The following KCNB2 variants were observed in gnomAD, a reference collection of about 807,000 sequenced individuals.
The protein encoded by KCNB2 is potassium voltage-gated channel subfamily B member 2, also known as delayed rectifier potassium channel protein.
Under a neutral mutation model 61.5 loss-of-function variants are expected in KCNB2, and 15 were observed. The observed-to-expected ratio is 0.24, with a 90% CI of 0.16 to 0.38. The LOEUF (loss-of-function observed/expected upper bound fraction) is 0.38. Among genes scored for constraint, KCNB2 ranks in the 10% least tolerant of loss-of-function variants. KCNB2 has a pLI of 1.00. For missense variants in KCNB2, 828 were observed against 1,125.2 expected, an observed-to-expected ratio of 0.74 and a Z score of 3.78; for synonymous variants, 457 against 446.0, an observed-to-expected ratio of 1.02 and a Z score of -0.31.
At chr8:72,566,280 G>A (rs1302034815) in intron 1 of KCNB2, among the ~76,000 whole-genome samples, 1 of 152,186 alleles carries the variant, frequency 6.6e-6, no homozygotes, top group Non-Finnish European at 1.5e-5. Context: ...ACATTTTGCA[G>A]AGTTTAAAGC....
At chr8:72,921,294 T>TA (rs1806516661) in intron 2 of KCNB2, among the ~76,000 whole-genome samples, 1 of 152,108 alleles carries the variant, frequency 6.6e-6, no homozygotes, top group African/African-American at 2.4e-5. Context: ...CTACTTTTTT[T>TA]AAAAAATGCT....
At chr8:72,714,160 T>A (rs1807378844) in intron 2 of KCNB2, among the ~76,000 whole-genome samples, 1 of 152,078 alleles carries the variant, frequency 6.6e-6, no homozygotes, top group Non-Finnish European at 1.5e-5. Context: ...TGGGACTATG[T>A]GAAAAGACCA....
At position 72,884,769 on chromosome 8, in the gene KCNB2, G is replaced by A. The variant is rs189769931; in HGVS notation, c.580-51166G>A. 9.8e-4 allele frequency among the ~76,000 whole-genome samples: 149 copies of A among 151,828 alleles called. 1 individual carries two copies. The South Asian group carries it at 0.027, about 28-fold the overall frequency. ...TTAGGCACTCTATTCTGTTTCATTC[G>A]TCCTTTTTAATCTATCCCACACCAA... On this transcript the variant is annotated intron_variant, in intron 2 of 2. Transcript: ENST00000523207.
At chr8:72,628,969 T>C (rs1805837190) in intron 2 of KCNB2, among the ~76,000 whole-genome samples, 1 of 152,182 alleles carries the variant, frequency 6.6e-6, no homozygotes, top group Non-Finnish European at 1.5e-5. Context: ...GCTACAAATA[T>C]AACGTACTTA....
chr8:72,857,625 T>C (rs1223956751), intron 2 of KCNB2, among the ~76,000 whole-genome samples: 1 of 151,170 alleles, frequency 6.6e-6, no homozygotes, highest in East Asian at 1.9e-4. Context: ...GTAGATGAAG[T>C]GGAAGCAATG....
At chr8:72,782,712 A>G (rs981452491) in intron 2 of KCNB2, among the ~76,000 whole-genome samples, 8 of 152,092 alleles carry the variant, frequency 5.3e-5, no homozygotes, top group Non-Finnish European at 1.5e-5. Context: ...CTTCCCTCAA[A>G]TAATTTTCCC....
At chr8:72,889,722 A>C (rs1446720161) in intron 2 of KCNB2, among the ~76,000 whole-genome samples, 1 of 152,140 alleles carries the variant, frequency 6.6e-6, no homozygotes, top group Non-Finnish European at 1.5e-5. Flanking sequence ...AACAATCAAT[A>C]AAATGGAGTA....
intron 2 of KCNB2, among the ~76,000 whole-genome samples, chr8:72,595,173 C>G (rs1019218947): frequency 4.6e-5 from 7 of 151,996 alleles, no homozygotes; most frequent in Non-Finnish European, 1.0e-4. Flanking sequence ...CTCCCCACCC[C>G]CAAGCTTCTA....
At position 72,759,910 on chromosome 8, in the gene KCNB2, C is replaced by T. The variant is rs923338601; in HGVS notation, c.580-176025C>T. Among the ~76,000 whole-genome samples, 3 of 152,104 alleles carry T rather than the reference C, an allele frequency of 2.0e-5. 1 individual carries two copies. ...AGAGTCAAGGTCGGGACAAAGCCACCAGAATTCAGGTAAGGTAACCAGTGT... is the reference window on the plus strand; with the variant it reads ...AGAGTCAAGGTCGGGACAAAGCCACTAGAATTCAGGTAAGGTAACCAGTGT... On this transcript the variant is annotated intron_variant, in intron 2 of 2. Transcript: ENST00000523207.
intron 2 of KCNB2, among the ~76,000 whole-genome samples, chr8:72,607,022 G>T (rs144367143): frequency 3.9e-5 from 6 of 152,228 alleles, no homozygotes; most frequent in South Asian, 2.1e-4. Flanking sequence ...GAAAAGAGCA[G>T]GGCAAAATGA....
At chr8:72,578,900 T>C (rs762378111) in intron 2 of KCNB2, among the ~76,000 whole-genome samples, 1 of 152,196 alleles carries the variant, frequency 6.6e-6, no homozygotes, top group African/African-American at 2.4e-5. Flanking sequence ...AGCCTGCAGA[T>C]CAGATGACAG....
In KCNB2 at chr8:72,903,796, C is replaced by A. The variant is rs144428755; in HGVS notation, c.580-32139C>A. The stretch of plus-strand genomic sequence containing the variant: ...TCATGTCAATAACATATAACTTTCT[C>A]CTTCTACTTCTTCTAGGTGGATTAC... On this transcript the variant is annotated intron_variant, in intron 2 of 2. Transcript: ENST00000523207. 4.3e-3 allele frequency among the ~76,000 whole-genome samples: 650 copies of A among 152,174 alleles called. 4 individuals carry two copies. The highest frequency in any genetic ancestry group is 0.015 in the African/African-American group (615 of 41,524).
intron 2 of KCNB2, among the ~76,000 whole-genome samples, chr8:72,672,641 T>C (rs1224629047): frequency 6.6e-6 from 1 of 152,112 alleles, no homozygotes; most frequent in Non-Finnish European, 1.5e-5. Flanking sequence ...GCTCTTTTTT[T>C]TTTAATATAA....
intron 2 of KCNB2, among the ~76,000 whole-genome samples, chr8:72,860,004 C>T (rs1267358219): frequency 6.6e-6 from 1 of 152,046 alleles, no homozygotes; most frequent in Non-Finnish European, 1.5e-5. Flanking sequence ...CAGGTGTGAG[C>T]CACTGTGCCC....
chr8:72,627,689 C>A (rs1159913392), intron 2 of KCNB2, among the ~76,000 whole-genome samples: 1 of 152,190 alleles, frequency 6.6e-6, no homozygotes, highest in Non-Finnish European at 1.5e-5. Context: ...CCTCTGCTCA[C>A]CATGTGCTTT....
intron 2 of KCNB2, among the ~76,000 whole-genome samples, chr8:72,790,247 C>G (rs1808915663): frequency 6.6e-6 from 1 of 151,988 alleles, no homozygotes; most frequent in Admixed American, 6.6e-5. Context: ...AATGAAAGAC[C>G]CCAGGAGAGC....
chr8:72,833,585 G>A lies in KCNB2; in HGVS notation c.580-102350G>A, dbSNP rs78609908. ...TATTTAGGGTGGGAGATAGCAGAAG[G>A]CCTAGGGGGTGAGGAATTCTAAACT... is the stretch of plus-strand genomic sequence containing the variant. On this transcript the variant is annotated intron_variant, in intron 2 of 2. Transcript: ENST00000523207. Among the ~76,000 whole-genome samples, 339 of 152,288 alleles carry A rather than the reference G, an allele frequency of 2.2e-3. 3 individuals carry two copies. Among genetic ancestry groups the A allele is most frequent in the African/African-American group, 7.6e-3 (317 of 41,552 alleles).
chr8:72,713,401 G>A (rs1807361967), intron 2 of KCNB2, among the ~76,000 whole-genome samples: 1 of 152,220 alleles, frequency 6.6e-6, no homozygotes, highest in South Asian at 2.1e-4. Flanking sequence ...CTAACTGGGA[G>A]GCACCCCCCA....
At chr8:72,908,850 C>G (rs989261120) in intron 2 of KCNB2, among the ~76,000 whole-genome samples, 1 of 152,190 alleles carries the variant, frequency 6.6e-6, no homozygotes, top group African/African-American at 2.4e-5. Context: ...TACAGAAACT[C>G]CCTGACCCAG....
Sources: gnomAD v4.1 joint callset for allele counts (sites outside exome capture counted in the v4.1 genomes callset) on GRCh38, gnomAD v4.1.1 for gene constraint, MANE v1.5 for transcripts, NCBI Gene and HGNC (gene_info 2026-07-23, HGNC 2026-07-21) for gene names.